PRRC2B: variants seen among roughly 807,000 people sequenced by gnomAD.
The protein encoded by PRRC2B is protein PRRC2B.
A neutral mutation model predicts 242.3 loss-of-function variants in PRRC2B; 68 were observed. The observed-to-expected ratio is 0.28, with a 90% confidence interval of 0.23 to 0.34. The LOEUF is 0.34. Among genes scored for constraint, PRRC2B ranks in the 10% least tolerant of loss-of-function variants. The pLI is 1.00. For synonymous variants in PRRC2B, 1,228 were observed against 1,173.6 expected (o/e 1.05, Z -0.95); for missense variants, 2,835 against 2,954.8 (o/e 0.96, Z 0.94).
chr9:131,416,683 G>T (rs1837665154), intron 1 of PRRC2B, among the ~76,000 whole-genome samples: 1 of 151,310 alleles, frequency 6.6e-6, no homozygotes, highest in Non-Finnish European at 1.5e-5. Context: ...GTTTCCACTA[G>T]GTTGTGACAA....
At position 131,494,602 on chromosome 9, in the gene PRRC2B, C is replaced by T. The variant is rs1190574615; in HGVS notation, c.6555+116C>T. On this transcript the variant is annotated intron_variant, in intron 31 of 31. Transcript: ENST00000683519. The surrounding 1 kb of genome is among the most constrained non-coding windows in gnomAD (Gnocchi z 4.3). ...CGCCCCCTGTCTAAAGACAGCCATG[C>T]CCTAGCGGTTAGAGCACAGAACCGG... is the stretch of plus-strand genomic sequence containing the variant. 3 of 614,642 alleles carry T rather than the reference C, an allele frequency of 4.9e-6. No individual in the cohort carries two copies. Among genetic ancestry groups the T allele is most frequent in the Non-Finnish European group, 8.6e-6 (3 of 349,212 alleles). 38.1% of individuals were successfully genotyped at this position (614,642 alleles called of 1,614,324 possible).
intron 11 of PRRC2B, among the ~76,000 whole-genome samples, chr9:131,462,980 C>G (rs904231443): frequency 1.3e-5 from 2 of 151,850 alleles, no homozygotes; most frequent in African/African-American, 4.8e-5. Context: ...TCTATTATTT[C>G]CTTTCCAGGA....
chr9:131,462,756 T>C (rs185626105), intron 11 of PRRC2B, among the ~76,000 whole-genome samples: 1 of 146,172 alleles, frequency 6.8e-6, no homozygotes, highest in East Asian at 2.1e-4. Flanking sequence ...GAGAATTGCT[T>C]GAATCTGGGA....
chr9:131,430,345 A>G, intron 2 of PRRC2B, 86 bp downstream of exon 2: 1 of 789,906 alleles, frequency 1.3e-6, no homozygotes, highest in Non-Finnish European at 2.2e-6. Flanking sequence ...CTGGTTAGAC[A>G]GATGTGGTCC....
intron 9 of PRRC2B, among the ~76,000 whole-genome samples, chr9:131,454,125 G>A (rs1943002597): frequency 6.6e-6 from 1 of 152,232 alleles, no homozygotes; most frequent in Non-Finnish European, 1.5e-5. Context: ...GAATCAATAT[G>A]TGGCCTTTCT....
chr9:131,405,814 G>A (rs1837345948), intron 1 of PRRC2B, among the ~76,000 whole-genome samples: 1 of 152,178 alleles, frequency 6.6e-6, no homozygotes, highest in South Asian at 2.1e-4. Flanking sequence ...GCTCTCCCTT[G>A]CAGGCACAGT....
At chr9:131,402,997 G>A (rs1313364537) in intron 1 of PRRC2B, among the ~76,000 whole-genome samples, 2 of 152,184 alleles carry the variant, frequency 1.3e-5, no homozygotes, top group Non-Finnish European at 2.9e-5. Context: ...TAGAACCATG[G>A]GATGGATCGC....
In PRRC2B at chr9:131,482,946, T is replaced by TTTTTA. The variant is rs1943912224; in HGVS notation, c.5373+44_5373+48dup. The TTTTTA allele has an allele frequency of 6.4e-7, 1 of 1,563,608 alleles. No homozygotes were observed. Among genetic ancestry groups the TTTTTA allele is most frequent in the South Asian group, 1.2e-5 (1 of 85,040 alleles). ...TTGTTTTCTTGCTTGCTTTTTTTAC[T>TTTTTA]TTTTATTTTGGTACTTGGAGAGGCT... On this transcript the variant is annotated intron_variant, in intron 22 of 31. Transcript: ENST00000683519. This position sits in a 1 kb window ranked among gnomAD's most constrained non-coding sequence, Gnocchi z 5.2.
chr9:131,402,191 A>C (rs1012860860), intron 1 of PRRC2B, among the ~76,000 whole-genome samples: 7 of 152,156 alleles, frequency 4.6e-5, no homozygotes, highest in African/African-American at 1.7e-4. Flanking sequence ...CCTGAGCTCA[A>C]GCGATTTGCC....
upstream of PRRC2B, among the ~76,000 whole-genome samples, chr9:131,393,832 G>T (rs904314884): frequency 6.7e-6 from 1 of 150,086 alleles, no homozygotes; most frequent in African/African-American, 2.5e-5. Context: ...GTTCTCTCCC[G>T]CCTCTCCCGC....
rs374021300 is a variant in PRRC2B, at chr9:131,484,778, C to G, written c.5553C>G (p.Asp1851Glu). The change falls in exon 24 of 32, where the codon GAC becomes GAG. Residue 1851 changes from aspartate to glutamate, a missense_variant. Physicochemically the swap from Asp to Glu is conservative, Grantham distance 45. Around this residue, in one of 7 missense-constraint regions of PRRC2B, gnomAD observed 574 missense variants for 626.0 expected, o/e 0.92. Transcript: ENST00000683519. ...CCCCAATGTCCTTCCCCACCGCCGA[C>G]CTTACTCTGAAGGTAACACCAGCCC... Reference protein sequence around the residue: ...GLSPMSFPTADLTLKMESARK... With the variant: ...GLSPMSFPTAELTLKMESARK... 6.2e-7 allele frequency: 1 copy of G among 1,610,136 alleles called. No homozygotes were observed. The highest frequency in any genetic ancestry group is 8.5e-7 in the Non-Finnish European group (1 of 1,177,836).
rs1564293430 is a variant in PRRC2B, at chr9:131,467,719, C to T, written c.1877C>T (p.Pro626Leu). ...TTCAAGTATCAGAAGTCCCTTCCTC[C>T]CCGATTCCAGCGCCAGCAGCAGCAA... Reference protein sequence around the residue: ...QEFKYQKSLPPRFQRQQQQQQ... With the variant: ...QEFKYQKSLPLRFQRQQQQQQ... Residue 626 changes from proline (P) to leucine (L), a missense_variant, in exon 13 of 32, where the codon CCC becomes CTC. This residue lies in a region of PRRC2B where 1,536 missense variants were observed against 1,483.1 expected (regional missense o/e 1.04). Coordinates refer to ENST00000683519, the MANE Select transcript of PRRC2B (RefSeq NM_013318.4). The T allele has an allele frequency of 2.5e-6, 4 of 1,613,822 alleles. No individual in the cohort carries two copies. In the African/African-American group the frequency reaches 5.3e-5, roughly 22 times the overall value.
rs1944410903 is a variant in PRRC2B, at chr9:131,499,439, G to A, written c.*3565G>A. 2 of 152,240 alleles carry A rather than the reference G, an allele frequency of 1.3e-5. No individual in the cohort carries two copies. Among genetic ancestry groups the A allele is most frequent in the African/African-American group, 4.8e-5 (2 of 41,460 alleles). 9.4% of individuals were successfully genotyped at this position (152,240 alleles called of 1,614,324 possible). On this transcript the variant is annotated 3_prime_UTR_variant, in exon 32 of 32. Coordinates refer to ENST00000683519, the MANE Select transcript of PRRC2B (RefSeq NM_013318.4). ...GGGTCTGCTGGAAATGGCCTTTGAA[G>A]ACCAAGGATACCAGGATGTGTGCAC...
At chr9:131,480,961 A>G (rs1943843058) in intron 19 of PRRC2B, among the ~76,000 whole-genome samples, 2 of 151,936 alleles carry the variant, frequency 1.3e-5, no homozygotes, top group Admixed American at 6.6e-5. Context: ...ACTTGAGATC[A>G]GGAGTTCAAG....
At chr9:131,478,064 C>T (rs964544394) in intron 17 of PRRC2B, 115 bp downstream of exon 17, 20 of 874,536 alleles carry the variant, frequency 2.3e-5, no homozygotes, top group African/African-American at 1.2e-4. Context: ...CGGAACAGCT[C>T]GGCCAGGCCC....
intron 15 of PRRC2B, 142 bp downstream of exon 15, chr9:131,473,866 G>C: frequency 1.6e-6 from 1 of 637,110 alleles, no homozygotes; most frequent in Non-Finnish European, 2.7e-6. Context: ...GGTTCCTCTG[G>C]GGAAGGAGAG....
intron 6 of PRRC2B, among the ~76,000 whole-genome samples, chr9:131,445,789 C>T (rs188849460): frequency 1.7e-3 from 258 of 152,240 alleles, no homozygotes; most frequent in Non-Finnish European, 3.2e-3. Context: ...TTGTTGGCCT[C>T]TAATAATTTC....
At chr9:131,445,033 G>A (rs997358817) in intron 6 of PRRC2B, among the ~76,000 whole-genome samples, 2 of 152,200 alleles carry the variant, frequency 1.3e-5, no homozygotes, top group African/African-American at 2.4e-5. Flanking sequence ...TTGCCTTGAT[G>A]TATCCCCAAG....
chr9:131,417,376 CTT>C (rs531845843), intron 1 of PRRC2B, among the ~76,000 whole-genome samples: 57 of 152,144 alleles, frequency 3.7e-4, no homozygotes, highest in African/African-American at 1.3e-3. Flanking sequence ...CTAGACTTCT[CTT>C]GTTTAATGTA....
Sources: gnomAD v4.1 joint callset for allele counts (sites outside exome capture counted in the v4.1 genomes callset) on GRCh38, gnomAD v4.1.1 for gene constraint, gnomAD v4.1.1 regional missense constraint, Gnocchi (gnomAD v3.1) non-coding constraint, MANE v1.5 for transcripts, NCBI Gene and HGNC (gene_info 2026-07-23, HGNC 2026-07-21) for gene names.